The following C10orf90 variants were observed in gnomAD, a reference collection of about 807,000 sequenced individuals.
C10orf90 encodes (E2-independent) E3 ubiquitin-conjugating enzyme FATS.
A neutral mutation model predicts 62.5 loss-of-function variants in C10orf90; 56 were observed. The ratio of observed to expected loss-of-function variants is 0.90; its 90% CI spans 0.72 to 1.12. The LOEUF (loss-of-function observed/expected upper bound fraction) is 1.12, where lower values mean the gene tolerates loss of function less well. C10orf90 is among the 50% of genes most tolerant of loss of function. The probability of loss-of-function intolerance (pLI) is 0.00; values close to 1 mark genes in which losing one functional copy is unlikely to be tolerated. For synonymous variants in C10orf90, 386 were observed against 340.4 expected (o/e 1.13, Z -1.47); for missense variants, 970 against 880.4 (o/e 1.10, Z -1.29).
intron 2 of C10orf90, among the ~76,000 whole-genome samples, chr10:126,595,865 T>C (rs182558568): frequency 6.6e-6 from 1 of 152,110 alleles, no homozygotes; most frequent in East Asian, 1.9e-4. Context: ...GTACCTCTTC[T>C]TGGGTGTCTG....
chr10:126,600,306 G>A (rs545970300), intron 2 of C10orf90, among the ~76,000 whole-genome samples: 5 of 152,324 alleles, frequency 3.3e-5, no homozygotes, highest in East Asian at 1.9e-4. Flanking sequence ...AGGTTTGGCC[G>A]TCCCTGGGAG....
intron 3 of C10orf90, among the ~76,000 whole-genome samples, chr10:126,508,158 T>TGAGAGAGTGAGAGA (rs1554903863): frequency 5.3e-5 from 7 of 131,468 alleles, no homozygotes; most frequent in Non-Finnish European, 9.4e-5. Context: ...AATGAGTGAG[T>TGAGAGAGTGAGAGA]GAGAGAGAGA....
chr10:126,642,615 C>A (rs1238686705), intron 2 of C10orf90, among the ~76,000 whole-genome samples: 2 of 152,102 alleles, frequency 1.3e-5, no homozygotes, highest in Non-Finnish European at 2.9e-5. Context: ...GTGGCTCCTC[C>A]TGGTTTTGCA....
Position 126,622,031 on chromosome 10 carries a change from C to T in C10orf90, c.313+24534G>A, listed in dbSNP as rs374995150. Among the ~76,000 whole-genome samples, 31 of 152,182 alleles carry T rather than the reference C, an allele frequency of 2.0e-4. No individual in the cohort carries two copies. In the South Asian group the frequency reaches 2.1e-3, roughly 10 times the overall value. Reference sequence around the variant, plus strand: ...AAGCATCGTCCTGGCCTATCCCTCCCGTGGGTTGGTTGGGTCCTCCTCCCA... The same window carrying T: ...AAGCATCGTCCTGGCCTATCCCTCCTGTGGGTTGGTTGGGTCCTCCTCCCA... On this transcript the variant is annotated intron_variant, in intron 2 of 9. Transcript: ENST00000488181.
At chr10:126,598,002 C>T (rs932659448) in intron 2 of C10orf90, among the ~76,000 whole-genome samples, 1 of 152,190 alleles carries the variant, frequency 6.6e-6, no homozygotes, top group African/African-American at 2.4e-5. Flanking sequence ...TTCCACCCTC[C>T]CCACAAGGAT....
intron 2 of C10orf90, among the ~76,000 whole-genome samples, chr10:126,638,824 C>T (rs551292101): frequency 2.2e-4 from 33 of 152,314 alleles, no homozygotes; most frequent in East Asian, 5.8e-4. Flanking sequence ...GCAGTCCTCA[C>T]GGAGCCCTCC....
intron 2 of C10orf90, among the ~76,000 whole-genome samples, chr10:126,578,530 G>A (rs1844672551): frequency 6.6e-6 from 1 of 152,222 alleles, no homozygotes; most frequent in African/African-American, 2.4e-5. Context: ...AAGTAGTGCT[G>A]CTGGTGGTGA....
At chr10:126,483,964 G>A (rs1401419542) in intron 4 of C10orf90, among the ~76,000 whole-genome samples, 3 of 152,082 alleles carry the variant, frequency 2.0e-5, no homozygotes, top group East Asian at 1.9e-4. Flanking sequence ...TCAACCCCCT[G>A]ACCCCACCTT....
intron 2 of C10orf90, among the ~76,000 whole-genome samples, chr10:126,625,778 G>A (rs529792822): frequency 2.8e-4 from 43 of 152,050 alleles, no homozygotes; most frequent in Middle Eastern, 3.4e-3. Context: ...TCTTCAATTC[G>A]GTGGATGGAG....
chr10:126,549,761 A>AT (rs2133976005), intron 2 of C10orf90, among the ~76,000 whole-genome samples: 1 of 150,940 alleles, frequency 6.6e-6, no homozygotes, highest in African/African-American at 2.4e-5. Flanking sequence ...AAAAAAAAAA[A>AT]TTTAAGAACA....
chr10:126,446,755 G>A (rs1858810659), intron 7 of C10orf90, among the ~76,000 whole-genome samples: 1 of 152,094 alleles, frequency 6.6e-6, no homozygotes, highest in Non-Finnish European at 1.5e-5. Context: ...GTAATGGTCA[G>A]ATAAAAATCA....
intron 2 of C10orf90, among the ~76,000 whole-genome samples, chr10:126,632,739 G>C (rs185159199): frequency 6.6e-6 from 1 of 151,982 alleles, no homozygotes; most frequent in Non-Finnish European, 1.5e-5. Context: ...CTCTAGATTC[G>C]GAGTTGTGCC....
chr10:126,567,365 A>G (rs1477643488), intron 2 of C10orf90, among the ~76,000 whole-genome samples: 2 of 151,594 alleles, frequency 1.3e-5, no homozygotes, highest in African/African-American at 4.9e-5. Context: ...TCTTGTAAAA[A>G]CTCACTCAGT....
chr10:126,656,680 G>A (rs1591179663), intron 1 of C10orf90, among the ~76,000 whole-genome samples: 1 of 152,206 alleles, frequency 6.6e-6, no homozygotes, highest in Non-Finnish European at 1.5e-5. Context: ...CGGCTGCCAG[G>A]GACTGGGCTT....
Position 126,502,454 on chromosome 10 carries a change from G to A in C10orf90, c.1534+1503C>T, listed in dbSNP as rs185706690. ...TTGCCTAAGATAATCCCTTAGAGGAGCAGTCATTTCACAAAATCACAATCA... is the reference window on the plus strand; with the variant it reads ...TTGCCTAAGATAATCCCTTAGAGGAACAGTCATTTCACAAAATCACAATCA... On this transcript the variant is annotated intron_variant, in intron 4 of 9. Transcript: ENST00000488181. Among the ~76,000 whole-genome samples, 240 of 152,278 alleles carry A rather than the reference G, an allele frequency of 1.6e-3. 2 individuals carry two copies. The highest frequency in any genetic ancestry group is 5.1e-3 in the African/African-American group (213 of 41,560).
intron 4 of C10orf90, among the ~76,000 whole-genome samples, chr10:126,502,212 AT>A (rs776115842): frequency 8.5e-5 from 13 of 152,194 alleles, no homozygotes; most frequent in Non-Finnish European, 1.9e-4. Flanking sequence ...TGTAAAATTC[AT>A]CCATGTAACC....
In C10orf90 at chr10:126,426,128, G is replaced by C. The variant is rs1857249385; in HGVS notation, c.2253-38C>G. On this transcript the variant is annotated intron_variant, in intron 8 of 9. Transcript: ENST00000488181. The stretch of plus-strand genomic sequence containing the variant: ...CGGAAAACATTTGGAATGGTAGCTT[G>C]ACAGCGTGCTCCCGCTGTGGGGCTG... 7 of 1,536,274 alleles carry C rather than the reference G, an allele frequency of 4.6e-6. No homozygotes were observed. The East Asian group carries it at 1.6e-4, about 35-fold the overall frequency.
chr10:126,534,426 G>T (rs556726827), intron 2 of C10orf90, among the ~76,000 whole-genome samples: 2 of 152,294 alleles, frequency 1.3e-5, no homozygotes, highest in East Asian at 3.9e-4. Context: ...TCTTAGAGTT[G>T]TAAGTGGACA....
In C10orf90 at chr10:126,634,956, C is replaced by T. The variant is rs77526155; in HGVS notation, c.313+11609G>A. On this transcript the variant is annotated intron_variant, in intron 2 of 9. Coordinates refer to ENST00000488181, the MANE Select transcript of C10orf90 (RefSeq NM_001350921.2). ...CATTCCCAAACTTCATCACACAGTG[C>T]GGCTTTCTGGAAGGGAAGTCCCTGA... 5.8e-3 allele frequency among the ~76,000 whole-genome samples: 891 copies of T among 152,314 alleles called. 5 individuals carry two copies. Among genetic ancestry groups the T allele is most frequent in the Non-Finnish European group, 9.0e-3 (609 of 68,032 alleles).
Sources: allele counts gnomAD v4.1 joint callset (sites outside exome capture counted in the v4.1 genomes callset), GRCh38; gene constraint gnomAD v4.1.1; transcripts MANE v1.5; gene names NCBI Gene and HGNC (gene_info 2026-07-23, HGNC 2026-07-21).